PSD3: variants seen among roughly 807,000 people sequenced by gnomAD.
PSD3 encodes the protein PH and SEC7 domain-containing protein 3.
Under a neutral mutation model 105.5 loss-of-function variants are expected in PSD3, and 49 were observed. That is an observed-to-expected ratio of 0.46 (90% confidence interval 0.37 to 0.59). The LOEUF (loss-of-function observed/expected upper bound fraction) is 0.59. Ranked by LOEUF, PSD3 falls within the 20% of genes least tolerant of loss-of-function variation. The pLI is 0.00. For synonymous variants in PSD3, 557 were observed against 457.8 expected (o/e 1.22, Z -2.77); for missense variants, 1,561 against 1,263.8 (o/e 1.24, Z -3.57).
chr8:18,798,174 G>A (rs1810356568), intron 8 of PSD3, among the ~76,000 whole-genome samples: 2 of 152,096 alleles, frequency 1.3e-5, no homozygotes, highest in South Asian at 4.2e-4. Context: ...TATTAGCCGT[G>A]CTATACTGCC....
intron 2 of PSD3, among the ~76,000 whole-genome samples, chr8:18,892,880 C>T (rs1474972671): frequency 6.6e-6 from 1 of 152,136 alleles, no homozygotes; most frequent in South Asian, 2.1e-4. Flanking sequence ...CCACTTCAGC[C>T]TCCCACAGTG....
chr8:18,840,691 G>A (rs1271472438), intron 4 of PSD3, among the ~76,000 whole-genome samples: 1 of 152,162 alleles, frequency 6.6e-6, no homozygotes, highest in Non-Finnish European at 1.5e-5. Context: ...TGTGTATCCA[G>A]GCAGTCTGAC....
rs1045315617 is a variant in PSD3 at position 18,601,848 on chromosome 8, C to T, written c.2411-1414G>A. Among the ~76,000 whole-genome samples the T allele has an allele frequency of 3.9e-5, 6 of 152,284 alleles. No individual in the cohort carries two copies. The East Asian group carries it at 9.7e-4, about 25-fold the overall frequency. On this transcript the variant is annotated intron_variant, in intron 11 of 15. Coordinates refer to ENST00000327040, the MANE Select transcript of PSD3 (RefSeq NM_015310.4). ...ATGAGCACTGCGCACACAGAAGAGA[C>T]CAGGGCTGAGAGGGCTGCTGCAGAG...
Position 18,541,615 on chromosome 8 carries a change from C to T in PSD3, c.2929-5657G>A, listed in dbSNP as rs1036492119. Among the ~76,000 whole-genome samples, 5 of 152,158 alleles carry T rather than the reference C, an allele frequency of 3.3e-5. No individual in the cohort carries two copies. The East Asian group carries it at 7.7e-4, about 23-fold the overall frequency. Reference sequence around the variant, plus strand: ...TGACCTCTGTTGTCAAGATGCCACACGTGTCAGATCCTCAACAGTGCACTG... The same window carrying T: ...TGACCTCTGTTGTCAAGATGCCACATGTGTCAGATCCTCAACAGTGCACTG... On this transcript the variant is annotated intron_variant, in intron 15 of 15. Transcript: ENST00000327040.
In PSD3 at chr8:18,530,019, C is replaced by T. The variant is rs895626254; in HGVS notation, c.*5724G>A. 1 of 152,508 alleles carries T rather than the reference C, an allele frequency of 6.6e-6. No individual in the cohort carries two copies. The highest frequency in any genetic ancestry group is 2.1e-4 in the South Asian group (1 of 4,832). 9.4% of individuals were successfully genotyped at this position (152,508 alleles called of 1,614,324 possible). A position where few individuals can be genotyped will look rare whatever the true frequency, so the allele number is the denominator to read the frequency against. On this transcript the variant is annotated 3_prime_UTR_variant, in exon 16 of 16. Coordinates refer to ENST00000327040, the MANE Select transcript of PSD3 (RefSeq NM_015310.4). ...AATGCCTCAAGTGTAACTACCAACACATTACTGCAGCCTGGAGCTGAAGTT... is the reference window on the plus strand; with the variant it reads ...AATGCCTCAAGTGTAACTACCAACATATTACTGCAGCCTGGAGCTGAAGTT...
At chr8:18,797,447 G>A (rs1586031130) in intron 8 of PSD3, among the ~76,000 whole-genome samples, 1 of 152,248 alleles carries the variant, frequency 6.6e-6, no homozygotes, top group East Asian at 1.9e-4. Context: ...GAAGCAGGAT[G>A]CTTCATCTAA....
intron 2 of PSD3, among the ~76,000 whole-genome samples, chr8:18,877,679 C>A (rs1245538318): frequency 6.6e-6 from 1 of 151,786 alleles, no homozygotes; most frequent in Non-Finnish European, 1.5e-5. Context: ...GTAGCTGGGG[C>A]TATACGCATG....
At chr8:18,822,438 C>A (rs573569548) in intron 4 of PSD3, among the ~76,000 whole-genome samples, 43 of 152,278 alleles carry the variant, frequency 2.8e-4, no homozygotes, top group African/African-American at 1.0e-3. Context: ...TTCACCACCC[C>A]CTAAGCTGGA....
chr8:19,016,707 A>C (rs942065215), upstream of PSD3, among the ~76,000 whole-genome samples: 1 of 152,232 alleles, frequency 6.6e-6, no homozygotes, highest in African/African-American at 2.4e-5. Context: ...AATAAAGAAA[A>C]GAAATGAATC....
intron 12 of PSD3, among the ~76,000 whole-genome samples, chr8:18,582,079 A>G (rs994729930): frequency 2.0e-5 from 3 of 152,160 alleles, no homozygotes; most frequent in African/African-American, 7.2e-5. Context: ...AAGAAACAAG[A>G]TTCAATGGAA....
intron 8 of PSD3, among the ~76,000 whole-genome samples, chr8:18,775,732 C>G (rs575073134): frequency 2.2e-4 from 34 of 152,242 alleles, no homozygotes; most frequent in African/African-American, 8.2e-4. Flanking sequence ...TTATTAATCC[C>G]TTTTCAAATG....
At chr8:19,049,733 T>A (rs1187777310) in intron 1 of PSD3, among the ~76,000 whole-genome samples, 1 of 149,444 alleles carries the variant, frequency 6.7e-6, no homozygotes, top group East Asian at 2.0e-4. Flanking sequence ...AGTGAAGATG[T>A]CTCTATTTTC....
intron 10 of PSD3, among the ~76,000 whole-genome samples, chr8:18,637,912 C>T (rs1202505578): frequency 6.6e-6 from 1 of 152,044 alleles, no homozygotes; most frequent in African/African-American, 2.4e-5. Context: ...AATCCCAGCA[C>T]ATTGGGAGGC....
At chr8:18,749,833 C>G (rs978953499) in intron 9 of PSD3, among the ~76,000 whole-genome samples, 1 of 152,126 alleles carries the variant, frequency 6.6e-6, no homozygotes. Flanking sequence ...AGGAGGACCC[C>G]TGGGCAACAA....
intron 9 of PSD3, among the ~76,000 whole-genome samples, chr8:18,742,725 C>G (rs1007059907): frequency 6.6e-6 from 1 of 152,122 alleles, no homozygotes; most frequent in African/African-American, 2.4e-5. Context: ...TTTAATCACT[C>G]TAATAAAAAT....
At chr8:19,071,870 C>T (rs959905976) in intron 1 of PSD3, among the ~76,000 whole-genome samples, 6 of 151,974 alleles carry the variant, frequency 3.9e-5, no homozygotes, top group Admixed American at 2.6e-4. Flanking sequence ...CCACCACACC[C>T]GGCTAATTTT....
chr8:19,053,025 G>A (rs936308829), intron 1 of PSD3, among the ~76,000 whole-genome samples: 2 of 152,146 alleles, frequency 1.3e-5, no homozygotes, highest in African/African-American at 2.4e-5. Flanking sequence ...CAGGGCTTTG[G>A]CCACACAGGT....
intron 9 of PSD3, among the ~76,000 whole-genome samples, chr8:18,694,704 A>C (rs1378977236): frequency 7.2e-5 from 11 of 151,864 alleles, no homozygotes; most frequent in Non-Finnish European, 1.5e-4. Context: ...GGCTGGGTGC[A>C]GTGGTTCACA....
chr8:18,839,632 C>T (rs1428921117), intron 4 of PSD3, among the ~76,000 whole-genome samples: 2 of 152,270 alleles, frequency 1.3e-5, no homozygotes, highest in African/African-American at 2.4e-5. Flanking sequence ...GAGAAAAACA[C>T]GTTTCCTCAG....
Sources: allele counts gnomAD v4.1 joint callset (sites outside exome capture counted in the v4.1 genomes callset), GRCh38; gene constraint gnomAD v4.1.1; transcripts MANE v1.5; gene names NCBI Gene and HGNC (gene_info 2026-07-23, HGNC 2026-07-21).